PSTPIP2: variants seen among roughly 807,000 people sequenced by gnomAD.
PSTPIP2 encodes the protein proline-serine-threonine phosphatase interacting protein 2.
In PSTPIP2, 33 loss-of-function variants were observed where a neutral mutation model predicts 63.3. The ratio of observed to expected loss-of-function variants is 0.52; its 90% CI spans 0.40 to 0.70. PSTPIP2 has a LOEUF of 0.70. Ranked by LOEUF, PSTPIP2 falls within the 30% of genes least tolerant of loss-of-function variation. The pLI, the probability that PSTPIP2 is intolerant of heterozygous loss-of-function variation, is 0.00. For missense variants in PSTPIP2, 312 were observed against 400.7 expected, an observed-to-expected ratio of 0.78 and a Z score of 1.89; for synonymous variants, 125 against 132.7, an observed-to-expected ratio of 0.94 and a Z score of 0.40.
At chr18:45,998,892 C>G (rs1018359609) in intron 7 of PSTPIP2, 53 bp from the exon 8 acceptor site, 18 of 1,602,466 alleles carry the variant, frequency 1.1e-5, no homozygotes, top group Admixed American at 5.0e-5. Flanking sequence ...GAATGCTGGA[C>G]GAGGCTTCCA....
intron 2 of PSTPIP2, among the ~76,000 whole-genome samples, chr18:46,031,833 T>C (rs1465972907): frequency 6.6e-6 from 1 of 152,106 alleles, no homozygotes; most frequent in East Asian, 1.9e-4. Flanking sequence ...TTGTTCCCCA[T>C]GAAACAAGAT....
intron 2 of PSTPIP2, chr18:46,028,874 A>C: frequency 6.3e-7 from 1 of 1,585,804 alleles, no homozygotes; most frequent in Non-Finnish European, 8.6e-7. Flanking sequence ...AGGACTGGGA[A>C]TTTCATATCC....
chr18:46,010,002 A>G (rs1191774133), intron 5 of PSTPIP2, among the ~76,000 whole-genome samples: 1 of 152,164 alleles, frequency 6.6e-6, no homozygotes, highest in Admixed American at 6.5e-5. Context: ...GTTCATTTCT[A>G]CCCTTCCTTC....
intron 1 of PSTPIP2, among the ~76,000 whole-genome samples, chr18:46,067,724 C>A (rs1309091015): frequency 1.3e-5 from 2 of 152,144 alleles, no homozygotes; most frequent in Non-Finnish European, 2.9e-5. Context: ...ACCAATCAGG[C>A]TATTTCTGTA....
chr18:46,069,910 C>A (rs1263414847), intron 1 of PSTPIP2, among the ~76,000 whole-genome samples: 1 of 152,128 alleles, frequency 6.6e-6, no homozygotes, highest in Non-Finnish European at 1.5e-5. Flanking sequence ...CCTTGAATAA[C>A]CATCACTCAC....
At chr18:46,047,021 AGCTTTCCTTATTC>A (rs1908406245) in intron 1 of PSTPIP2, among the ~76,000 whole-genome samples, 1 of 152,244 alleles carries the variant, frequency 6.6e-6, no homozygotes, top group Admixed American at 6.5e-5. Context: ...GGCACTAGGA[AGCTTTCCTTATTC>A]GCTTTCCTTG....
chr18:46,068,456 C>T (rs188852149), intron 1 of PSTPIP2, among the ~76,000 whole-genome samples: 19 of 152,194 alleles, frequency 1.2e-4, no homozygotes, highest in Non-Finnish European at 2.8e-4. Context: ...CACCACCATG[C>T]CCGGGTAATT....
intron 5 of PSTPIP2, among the ~76,000 whole-genome samples, chr18:46,006,211 A>G (rs960601386): frequency 6.6e-6 from 1 of 151,688 alleles, no homozygotes; most frequent in Admixed American, 6.6e-5. Flanking sequence ...GCACCACCAC[A>G]CCTGGCTAAT....
Position 46,011,213 on chromosome 18 carries a change from A to G in PSTPIP2, c.322T>C (p.Phe108Leu), listed in dbSNP as rs755228299. 3.1e-6 allele frequency: 5 copies of G among 1,614,032 alleles called. No homozygotes were observed. The highest frequency in any genetic ancestry group is 3.3e-5 in the Admixed American group (2 of 60,012). ...CGTTGTAGTTTTTGCTTTTCCCTGA[A>G]TTCTTCCATCTTCCTGGCCTCTTCT... Reference protein sequence around the residue: ...LREEARKMEEFREKQKLQRKK... With the variant: ...LREEARKMEELREKQKLQRKK... Residue 108 changes from phenylalanine (F) to leucine (L), a missense_variant, in exon 5 of 15, where the codon TTC becomes CTC. Physicochemically the swap from Phe to Leu is conservative, Grantham distance 22. Transcript: ENST00000409746.
At position 46,067,638 on chromosome 18, in the gene PSTPIP2, T is replaced by A. The variant is rs567918326; in HGVS notation, c.33+4518A>T. Among the ~76,000 whole-genome samples the A allele has an allele frequency of 9.4e-4, 143 of 152,246 alleles. 1 individual carries two copies. The highest frequency in any genetic ancestry group is 3.4e-3 in the Middle Eastern group (1 of 294). ...CAAGTAGCTGGGTCTCTGCCAATCA[T>A]AACAGGGGAGCTTTCAGCCAATCCC... On this transcript the variant is annotated intron_variant, in intron 1 of 14. Transcript: ENST00000409746.
rs577063418 is a variant in PSTPIP2 at position 46,058,151 on chromosome 18, A to T, written c.33+14005T>A. On this transcript the variant is annotated intron_variant, in intron 1 of 14. Coordinates refer to ENST00000409746, the MANE Select transcript of PSTPIP2 (RefSeq NM_024430.4). ...GCATGATAATAAGTACACTTCTTCAACATCTCATGTAGACAATTACACTTG... is the reference window on the plus strand; with the variant it reads ...GCATGATAATAAGTACACTTCTTCATCATCTCATGTAGACAATTACACTTG... Among the ~76,000 whole-genome samples, 694 of 152,236 alleles carry T rather than the reference A, an allele frequency of 4.6e-3. 5 individuals are homozygous for T. The highest frequency in any genetic ancestry group is 7.8e-3 in the Non-Finnish European group (530 of 68,008).
chr18:46,056,870 G>C (rs958052936), intron 1 of PSTPIP2, among the ~76,000 whole-genome samples: 7 of 152,174 alleles, frequency 4.6e-5, no homozygotes, highest in African/African-American at 1.7e-4. Context: ...GGGAGGCCAA[G>C]GTGGGCAGAT....
chr18:45,995,110 G>A (rs1218887195), intron 9 of PSTPIP2, among the ~76,000 whole-genome samples: 1 of 151,862 alleles, frequency 6.6e-6, no homozygotes, highest in Non-Finnish European at 1.5e-5. Flanking sequence ...TTGGTTTTGG[G>A]GGGTTTTATT....
At chr18:46,027,833 GATCT>G (rs1221192616) in intron 2 of PSTPIP2, among the ~76,000 whole-genome samples, 1 of 152,072 alleles carries the variant, frequency 6.6e-6, no homozygotes, top group Non-Finnish European at 1.5e-5. Context: ...GTTCCTCAAA[GATCT>G]TTCTGAGGTT....
intron 6 of PSTPIP2, 33 bp downstream of exon 6, chr18:46,005,436 T>C: frequency 6.6e-7 from 1 of 1,523,586 alleles, no homozygotes; most frequent in Non-Finnish European, 9.0e-7. Context: ...AATGTCACCA[T>C]TATCCCAAAA....
rs1568209486 is a variant in PSTPIP2, at chr18:45,993,718, C to T, written c.643-15G>A. 1.2e-6 allele frequency: 2 copies of T among 1,604,876 alleles called. No homozygotes were observed. The highest frequency in any genetic ancestry group is 1.7e-6 in the Non-Finnish European group (2 of 1,171,746). On this transcript the variant is annotated splice_polypyrimidine_tract_variant and intron_variant, in intron 9 of 14. Transcript: ENST00000409746. ...GCCTCAAATGCCTACAGAAAAATAG[C>T]TACGTGTACATAGATATGCAAGGAA...
intron 2 of PSTPIP2, among the ~76,000 whole-genome samples, chr18:46,039,144 G>GA (rs1269144529): frequency 2.0e-5 from 3 of 152,086 alleles, no homozygotes; most frequent in Non-Finnish European, 4.4e-5. Context: ...CAAGGATCCT[G>GA]ATCTTTGGCC....
chr18:45,998,770 C>G, intron 8 of PSTPIP2, 24 bp downstream of exon 8: 1 of 1,612,122 alleles, frequency 6.2e-7, no homozygotes, highest in South Asian at 1.1e-5. Flanking sequence ...AACCCTCCCC[C>G]ATCCGTAGGA....
At chr18:46,062,030 G>A (rs917863573) in intron 1 of PSTPIP2, among the ~76,000 whole-genome samples, 4 of 152,130 alleles carry the variant, frequency 2.6e-5, no homozygotes, top group Non-Finnish European at 5.9e-5. Flanking sequence ...GTGTAAAGAG[G>A]ACACACCATG....
Sources: allele counts gnomAD v4.1 joint callset (sites outside exome capture counted in the v4.1 genomes callset), GRCh38; gene constraint gnomAD v4.1.1; transcripts MANE v1.5; gene names NCBI Gene and HGNC (gene_info 2026-07-23, HGNC 2026-07-21).